Variants in MGAT4C observed in about 807,000 individuals in gnomAD.
MGAT4C encodes the protein MGAT4 family member C.
MGAT4C carries 19 observed loss-of-function variants against 40.1 expected under a neutral mutation model. The observed-to-expected ratio is 0.47, with a 90% CI of 0.33 to 0.70. The LOEUF (loss-of-function observed/expected upper bound fraction) is 0.70. Ranked by LOEUF, MGAT4C falls within the 30% of genes least tolerant of loss-of-function variation. The pLI is 0.02. For missense variants in MGAT4C, 491 were observed against 563.2 expected (o/e 0.87, Z 1.30); for synonymous variants, 181 against 187.1 (o/e 0.97, Z 0.27).
At chr12:86,014,015 T>C (rs1316839750) in intron 2 of MGAT4C, among the ~76,000 whole-genome samples, 1 of 152,190 alleles carries the variant, frequency 6.6e-6, no homozygotes, top group African/African-American at 2.4e-5. Context: ...ACAATGCATC[T>C]AAAACTGTAA....
chr12:86,261,805 AAGAAT>A (rs1252038652), intron 4 of MGAT4C, among the ~76,000 whole-genome samples: 1 of 152,042 alleles, frequency 6.6e-6, no homozygotes, highest in Non-Finnish European at 1.5e-5. Context: ...GAAGGGAAGT[AAGAAT>A]CACATTACAG....
intron 1 of MGAT4C, among the ~76,000 whole-genome samples, chr12:86,116,591 C>T (rs1345952098): frequency 2.6e-5 from 4 of 152,136 alleles, no homozygotes; most frequent in Non-Finnish European, 4.4e-5. Flanking sequence ...TGGTATGGAA[C>T]TCATTTACAA....
intron 2 of MGAT4C, among the ~76,000 whole-genome samples, chr12:86,575,961 TC>T (rs1960541970): frequency 6.6e-6 from 1 of 151,884 alleles, no homozygotes; most frequent in Non-Finnish European, 1.5e-5. Context: ...ACGTACAATG[TC>T]CCCATTTACC....
intron 1 of MGAT4C, among the ~76,000 whole-genome samples, chr12:86,151,659 A>G (rs1884303416): frequency 6.6e-6 from 1 of 152,242 alleles, no homozygotes; most frequent in Non-Finnish European, 1.5e-5. Context: ...GAACACATCC[A>G]TATGTTTTAT....
At chr12:86,734,415 C>T (rs778603732) in intron 1 of MGAT4C, among the ~76,000 whole-genome samples, 2 of 151,958 alleles carry the variant, frequency 1.3e-5, no homozygotes, top group African/African-American at 2.4e-5. Flanking sequence ...ATCGGAGCAG[C>T]GTGTCCTTCA....
intron 4 of MGAT4C, among the ~76,000 whole-genome samples, chr12:86,308,420 C>T (rs183013527): frequency 6.6e-6 from 1 of 150,550 alleles, no homozygotes; most frequent in Admixed American, 6.6e-5. Flanking sequence ...ACACAAATCT[C>T]TTAAGGCTTA....
chr12:86,022,322 A>C (rs1306927682), intron 2 of MGAT4C: 1 of 152,246 alleles, frequency 6.6e-6, no homozygotes, highest in Non-Finnish European at 1.5e-5. Flanking sequence ...TGTATTGCCC[A>C]AGACATTAAG....
At chr12:86,756,500 A>G (rs945332772) in intron 1 of MGAT4C, among the ~76,000 whole-genome samples, 10 of 152,022 alleles carry the variant, frequency 6.6e-5, no homozygotes, top group Admixed American at 5.3e-4. Flanking sequence ...TGATTTTCCT[A>G]GGAATTCTAC....
In MGAT4C at chr12:85,971,432, G is replaced by A. The variant is rs530096635; in HGVS notation, c.*7857C>T. 24 of 151,160 alleles carry A rather than the reference G, an allele frequency of 1.6e-4. No individual in the cohort carries two copies. Among genetic ancestry groups the A allele is most frequent in the Non-Finnish European group, 3.3e-4 (22 of 67,334 alleles). The allele number at this position is 151,160 out of a possible 1,614,324, so 9.4% of individuals were successfully genotyped here. On this transcript the variant is annotated 3_prime_UTR_variant, in exon 5 of 5. Transcript: ENST00000611864. ...TTAACTTGAAGGACACTTATATTTT[G>A]TATCACTTTTGTAGCAAACACATGA...
chr12:86,473,177 G>A (rs745351800), intron 2 of MGAT4C, among the ~76,000 whole-genome samples: 2 of 151,980 alleles, frequency 1.3e-5, no homozygotes, highest in African/African-American at 4.8e-5. Flanking sequence ...GGCTAGTCAC[G>A]AACTCCTGAC....
chr12:86,001,461 C>T (rs1887286124), intron 2 of MGAT4C: 1 of 195,344 alleles, frequency 5.1e-6, no homozygotes, highest in Admixed American at 6.5e-5. Flanking sequence ...TATTGGATTC[C>T]CAATCTTCTG....
intron 3 of MGAT4C, among the ~76,000 whole-genome samples, chr12:86,362,724 G>A (rs1479605629): frequency 4.6e-5 from 7 of 151,690 alleles, no homozygotes; most frequent in Admixed American, 6.6e-5. Flanking sequence ...AAAATTAGCC[G>A]GGCATGGTGG....
At chr12:86,320,386 T>C (rs764146590) in intron 4 of MGAT4C, among the ~76,000 whole-genome samples, 1 of 152,264 alleles carries the variant, frequency 6.6e-6, no homozygotes, top group Non-Finnish European at 1.5e-5. Context: ...TGCATAAAGG[T>C]GGTCTAGATT....
chr12:86,356,263 GAACA>G (rs1219318618), intron 3 of MGAT4C, among the ~76,000 whole-genome samples: 1 of 151,864 alleles, frequency 6.6e-6, no homozygotes, highest in Non-Finnish European at 1.5e-5. Context: ...AAAAGAGAGG[GAACA>G]AACAAAAATC....
intron 1 of MGAT4C, among the ~76,000 whole-genome samples, chr12:86,222,685 ATAT>A (rs1264981490): frequency 6.6e-6 from 1 of 152,182 alleles, no homozygotes; most frequent in Non-Finnish European, 1.5e-5. Flanking sequence ...CTCTATTATA[ATAT>A]TATTCCTTTT....
chr12:86,734,412 C>A (rs2136123272), intron 1 of MGAT4C, among the ~76,000 whole-genome samples: 1 of 152,102 alleles, frequency 6.6e-6, no homozygotes, highest in African/African-American at 2.4e-5. Flanking sequence ...TGAATCGGAG[C>A]AGCGTGTCCT....
intron 4 of MGAT4C, among the ~76,000 whole-genome samples, chr12:86,304,463 T>C (rs1166463344): frequency 1.3e-5 from 2 of 150,612 alleles, no homozygotes; most frequent in Non-Finnish European, 2.9e-5. Flanking sequence ...TTATACTTAT[T>C]CCAACTGTCA....
chr12:86,135,688 T>C (rs1881845341), intron 1 of MGAT4C, among the ~76,000 whole-genome samples: 1 of 152,216 alleles, frequency 6.6e-6, no homozygotes, highest in Non-Finnish European at 1.5e-5. Flanking sequence ...CTAAACTACA[T>C]GCTTTCCTGT....
Position 85,967,644 on chromosome 12 carries a change from A to ATTT in MGAT4C, c.*11644_*11645insAAA, listed in dbSNP as rs1883428162. ...CACTATGTAGAAAAATATTTTAAAT[A>ATTT]AGACAGAGCATTAAAATAATGTATT... On this transcript the variant is annotated 3_prime_UTR_variant, in exon 5 of 5. Transcript: ENST00000611864. 3.3e-5 allele frequency: 5 copies of ATTT among 152,112 alleles called. No homozygotes were observed. The highest frequency in any genetic ancestry group is 3.3e-4 in the Admixed American group (5 of 15,254). The allele number at this position is 152,112 out of a possible 1,614,324, so 9.4% of individuals were successfully genotyped here. A position where few individuals can be genotyped will look rare whatever the true frequency, so the allele number is the denominator to read the frequency against.
Sources: allele counts gnomAD v4.1 joint callset (sites outside exome capture counted in the v4.1 genomes callset), GRCh38; gene constraint gnomAD v4.1.1; transcripts MANE v1.5; gene names NCBI Gene and HGNC (gene_info 2026-07-23, HGNC 2026-07-21).